Variants in SLC8A1 observed in about 807,000 individuals in gnomAD.
SLC8A1 encodes the protein solute carrier family 8 member A1.
In SLC8A1, 18 loss-of-function variants were observed where a neutral mutation model predicts 68.3. That is an observed-to-expected ratio of 0.26 (90% CI 0.18 to 0.39). SLC8A1 has a LOEUF of 0.39. SLC8A1 is among the 10% of genes least tolerant of loss of function. The probability of loss-of-function intolerance (pLI) is 1.00; values close to 1 mark genes in which losing one functional copy is unlikely to be tolerated. For synonymous variants in SLC8A1, 475 were observed against 415.5 expected (o/e 1.14, Z -1.74); for missense variants, 985 against 1,156.7 (o/e 0.85, Z 2.15).
chr2:40,380,896 T>C (rs1033338963), intron 2 of SLC8A1, among the ~76,000 whole-genome samples: 1 of 152,074 alleles, frequency 6.6e-6, no homozygotes, highest in Non-Finnish European at 1.5e-5. Context: ...GCGTATGGGA[T>C]CCAAAGTAGG....
intron 7 of SLC8A1, among the ~76,000 whole-genome samples, chr2:40,129,682 GA>G (rs1192146873): frequency 6.6e-6 from 1 of 152,146 alleles, no homozygotes; most frequent in Non-Finnish European, 1.5e-5. Context: ...AGCCTCAAAA[GA>G]AAGGGAAATT....
intron 2 of SLC8A1, among the ~76,000 whole-genome samples, chr2:40,321,869 T>A (rs1444698176): frequency 2.0e-5 from 3 of 152,104 alleles, no homozygotes; most frequent in Non-Finnish European, 4.4e-5. Context: ...TCACCTGAGA[T>A]ACTAGTATGT....
upstream of SLC8A1, chr2:40,453,559 T>C (rs2149885201): frequency 6.6e-6 from 1 of 152,324 alleles, no homozygotes; most frequent in East Asian, 1.9e-4. Flanking sequence ...CAGAATCTCC[T>C]GGGCCGTTTT....
At chr2:40,201,112 C>CAA (rs1000261921) in intron 2 of SLC8A1, among the ~76,000 whole-genome samples, 1 of 144,626 alleles carries the variant, frequency 6.9e-6, no homozygotes, top group African/African-American at 2.5e-5. Flanking sequence ...CCCACTCCCT[C>CAA]AAAAAAAAAA....
At chr2:40,436,454 T>A (rs1699437750) in intron 1 of SLC8A1, among the ~76,000 whole-genome samples, 2 of 152,128 alleles carry the variant, frequency 1.3e-5, no homozygotes. Context: ...TGATTCAGAC[T>A]CATGAGCAAA....
chr2:40,297,686 T>C (rs2070674599), intron 2 of SLC8A1, among the ~76,000 whole-genome samples: 1 of 152,192 alleles, frequency 6.6e-6, no homozygotes, highest in Non-Finnish European at 1.5e-5. Flanking sequence ...TCCAGCTGTT[T>C]ACCATACATA....
intron 2 of SLC8A1, among the ~76,000 whole-genome samples, chr2:40,221,620 T>C (rs552994571): frequency 3.2e-4 from 48 of 152,308 alleles, no homozygotes; most frequent in African/African-American, 1.1e-3. Flanking sequence ...CATGATTGTA[T>C]ATTTAGAAAA....
At chr2:40,134,075 TTTTG>T (rs1300325309) in intron 7 of SLC8A1, among the ~76,000 whole-genome samples, 3 of 96,378 alleles carry the variant, frequency 3.1e-5, no homozygotes, top group African/African-American at 4.6e-5. Flanking sequence ...TACCTAAAGT[TTTTG>T]TTTGTTTGTT....
chr2:40,359,308 T>G (rs7608925), intron 2 of SLC8A1, among the ~76,000 whole-genome samples: 1 of 152,056 alleles, frequency 6.6e-6, no homozygotes, highest in African/African-American at 2.4e-5. Flanking sequence ...TTAAAATTAA[T>G]TTCACCTATT....
intron 2 of SLC8A1, among the ~76,000 whole-genome samples, chr2:40,300,013 A>G (rs904747549): frequency 2.6e-5 from 4 of 152,156 alleles, no homozygotes; most frequent in Non-Finnish European, 5.9e-5. Context: ...CAATACTTCC[A>G]AAGTATTTAG....
chr2:40,116,032 C>T (rs1348208202), intron 7 of SLC8A1, among the ~76,000 whole-genome samples: 1 of 152,034 alleles, frequency 6.6e-6, no homozygotes, highest in Non-Finnish European at 1.5e-5. Context: ...TGACAGCGGC[C>T]CAGGAATCTA....
At chr2:40,248,584 A>G (rs1340806347) in intron 2 of SLC8A1, among the ~76,000 whole-genome samples, 4 of 152,208 alleles carry the variant, frequency 2.6e-5, no homozygotes, top group Non-Finnish European at 4.4e-5. Flanking sequence ...CACCTAGTCT[A>G]TGGTTCTTTG....
At chr2:40,279,506 A>T (rs897289338) in intron 2 of SLC8A1, among the ~76,000 whole-genome samples, 9 of 152,168 alleles carry the variant, frequency 5.9e-5, no homozygotes, top group African/African-American at 2.2e-4. Context: ...TGACATCTGA[A>T]ACATAATGGA....
intron 2 of SLC8A1, among the ~76,000 whole-genome samples, chr2:40,235,116 A>G (rs937295139): frequency 5.3e-5 from 8 of 152,040 alleles, no homozygotes; most frequent in African/African-American, 1.9e-4. Context: ...GGCTTCATAA[A>G]ATGAGTTAGG....
chr2:40,227,219 T>C (rs1031143257), intron 2 of SLC8A1, among the ~76,000 whole-genome samples: 3 of 151,796 alleles, frequency 2.0e-5, no homozygotes, highest in African/African-American at 7.3e-5. Flanking sequence ...GTTAATATAG[T>C]CTCCACAGCA....
chr2:40,392,413 G>C (rs1252367194), intron 2 of SLC8A1, among the ~76,000 whole-genome samples: 1 of 151,888 alleles, frequency 6.6e-6, no homozygotes, highest in Non-Finnish European at 1.5e-5. Context: ...AGATTTTCAA[G>C]AAAGGAAGAG....
intron 2 of SLC8A1, among the ~76,000 whole-genome samples, chr2:40,341,370 T>C (rs1045831626): frequency 6.6e-6 from 1 of 152,214 alleles, no homozygotes; most frequent in Non-Finnish European, 1.5e-5. Flanking sequence ...AACTTGGCCC[T>C]GACTAACTTC....
chr2:40,315,936 G>C (rs749766531), intron 2 of SLC8A1, among the ~76,000 whole-genome samples: 1 of 152,018 alleles, frequency 6.6e-6, no homozygotes, highest in African/African-American at 2.4e-5. Flanking sequence ...ACCAAGTTAA[G>C]TAATTACACT....
At chr2:40,210,385 A>C (rs141181039) in intron 2 of SLC8A1, among the ~76,000 whole-genome samples, 7 of 152,252 alleles carry the variant, frequency 4.6e-5, no homozygotes, top group African/African-American at 1.7e-4. Context: ...AATCTTCTAC[A>C]AGTAGTGACT....
Sources: gnomAD v4.1 joint callset for allele counts (sites outside exome capture counted in the v4.1 genomes callset) on GRCh38, gnomAD v4.1.1 for gene constraint, MANE v1.5 for transcripts, NCBI Gene and HGNC (gene_info 2026-07-23, HGNC 2026-07-21) for gene names.